LTBP2: variants seen among roughly 807,000 people sequenced by gnomAD.
LTBP2 encodes latent-transforming growth factor beta-binding protein 2.
In LTBP2, 103 loss-of-function variants were observed where a neutral mutation model predicts 210.6. The observed-to-expected ratio is 0.49, with a 90% CI of 0.42 to 0.58. The LOEUF (loss-of-function observed/expected upper bound fraction) is 0.58. LTBP2 is among the 20% of genes least tolerant of loss of function. LTBP2 has a pLI of 0.00. For synonymous variants in LTBP2, 1,007 were observed against 1,015.0 expected, an observed-to-expected ratio of 0.99 and a Z score of 0.15; for missense variants, 2,313 against 2,494.5, an observed-to-expected ratio of 0.93 and a Z score of 1.55.
intron 20 of LTBP2, 102 bp from the exon 21 acceptor site, chr14:74,509,961 T>A: frequency 6.2e-7 from 1 of 1,609,350 alleles, no homozygotes. Context: ...TGGGCAGGGA[T>A]GTGTTGGGTC....
intron 18 of LTBP2, among the ~76,000 whole-genome samples, chr14:74,515,380 G>C (rs572417326): frequency 6.7e-6 from 1 of 150,278 alleles, no homozygotes. Context: ...CCTCAGCCTC[G>C]CAAGTAGGTA....
chr14:74,507,074 C>T, intron 26 of LTBP2, 105 bp downstream of exon 26: 1 of 1,593,426 alleles, frequency 6.3e-7, no homozygotes, highest in South Asian at 1.1e-5. Flanking sequence ...AAGCTACAAT[C>T]AGCTGCAAAA....
At chr14:74,531,598 C>T (rs1294041363) in intron 10 of LTBP2, among the ~76,000 whole-genome samples, 5 of 152,192 alleles carry the variant, frequency 3.3e-5, no homozygotes, top group Admixed American at 6.5e-5. Context: ...GCACTGGAGT[C>T]TTGTCCAATC....
intron 1 of LTBP2, among the ~76,000 whole-genome samples, chr14:74,610,260 G>A (rs973593539): frequency 2.6e-5 from 4 of 152,232 alleles, no homozygotes; most frequent in Non-Finnish European, 4.4e-5. Flanking sequence ...AAAGCAGGGT[G>A]AAAGGAGAAA....
At chr14:74,607,239 C>A (rs1396386480) in intron 1 of LTBP2, among the ~76,000 whole-genome samples, 2 of 152,212 alleles carry the variant, frequency 1.3e-5, no homozygotes, top group African/African-American at 4.8e-5. Context: ...CTCCCCTCAA[C>A]ACACGCTAGT....
intron 3 of LTBP2, 37 bp downstream of exon 3, chr14:74,585,817 G>A: frequency 6.2e-7 from 1 of 1,613,892 alleles, no homozygotes; most frequent in Non-Finnish European, 8.5e-7. Context: ...AAGAGACTGA[G>A]CCCCAGACCC....
chr14:74,556,320 A>G (rs1361442389), intron 3 of LTBP2, among the ~76,000 whole-genome samples: 1 of 152,224 alleles, frequency 6.6e-6, no homozygotes, highest in East Asian at 1.9e-4. Flanking sequence ...TTGCTCACGT[A>G]TATGATTTTA....
intron 8 of LTBP2, among the ~76,000 whole-genome samples, chr14:74,543,285 G>A (rs1298003027): frequency 6.6e-6 from 1 of 151,060 alleles, no homozygotes; most frequent in Non-Finnish European, 1.5e-5. Context: ...GGCTGAGGCA[G>A]GAGAATGGCA....
intron 1 of LTBP2, among the ~76,000 whole-genome samples, chr14:74,607,954 C>T (rs2088550803): frequency 6.7e-6 from 1 of 150,368 alleles, no homozygotes; most frequent in Non-Finnish European, 1.5e-5. Context: ...CGCTCTGTCG[C>T]CCAGGCCGGA....
At chr14:74,601,495 C>T (rs971485231) in intron 2 of LTBP2, among the ~76,000 whole-genome samples, 2 of 152,252 alleles carry the variant, frequency 1.3e-5, no homozygotes, top group African/African-American at 4.8e-5. Context: ...CAGGCATCCA[C>T]GTTCCCTGAA....
intron 2 of LTBP2, among the ~76,000 whole-genome samples, chr14:74,588,585 T>TGTA (rs1465801530): frequency 2.0e-5 from 3 of 152,144 alleles, no homozygotes; most frequent in African/African-American, 7.2e-5. Context: ...CCCCTTGAAG[T>TGTA]GTAGTGACTG....
At position 74,611,477 on chromosome 14, in the gene LTBP2, TG is replaced by T. The variant is rs1335992106; in HGVS notation, c.467del (p.Pro156GlnfsTer124). ...GTPQRSGAAP[P>X]TPPRGRLTGR... Reference sequence around the variant, plus strand: ...CCGTGAGCCGCCCTCGCGGCGGGGTTGGGGGCGCAGCCCCAGACCGCTGTGG... The same window carrying T: ...CCGTGAGCCGCCCTCGCGGCGGGGTTGGGGCGCAGCCCCAGACCGCTGTGG... On this transcript the variant is annotated frameshift_variant, in exon 1 of 36. Coordinates refer to ENST00000261978, the MANE Select transcript of LTBP2 (RefSeq NM_000428.3). LOFTEE classifies it high-confidence loss of function. The T allele has an allele frequency of 6.7e-7, 1 of 1,497,958 alleles. No homozygotes were observed. 92.8% of individuals were successfully genotyped at this position (1,497,958 alleles called of 1,614,324 possible).
intron 3 of LTBP2, among the ~76,000 whole-genome samples, chr14:74,569,176 CAGGGAGGGAGGG>C (rs1210332263): frequency 6.7e-4 from 62 of 92,500 alleles, no homozygotes; most frequent in East Asian, 3.9e-3. Flanking sequence ...AGAAGGGAAG[CAGGGAGGGAGGG>C]AGGGAGGGAG....
At chr14:74,581,791 C>T (rs1472614179) in intron 3 of LTBP2, among the ~76,000 whole-genome samples, 1 of 151,998 alleles carries the variant, frequency 6.6e-6, no homozygotes, top group Non-Finnish European at 1.5e-5. Context: ...ATTTTGTGAT[C>T]GTGTGTCATG....
intron 3 of LTBP2, among the ~76,000 whole-genome samples, chr14:74,556,082 T>C (rs1020432882): frequency 1.3e-5 from 2 of 152,202 alleles, no homozygotes; most frequent in Admixed American, 6.5e-5. Flanking sequence ...AACCAAGTCC[T>C]GTACCTACTC....
Position 74,546,973 on chromosome 14 carries a change from ATGGTGCCTGTCAGCCC to A in LTBP2, c.1789+2874_1789+2889del, listed in dbSNP as rs149300338. 3.8e-3 allele frequency among the ~76,000 whole-genome samples: 576 copies of A among 152,308 alleles called. 5 individuals carry two copies. The highest frequency in any genetic ancestry group is 0.013 in the African/African-American group (551 of 41,576). On this transcript the variant is annotated intron_variant, in intron 8 of 35. Coordinates refer to ENST00000261978, the MANE Select transcript of LTBP2 (RefSeq NM_000428.3). ...GCTTCCAAGATCTGGGGATGTGGTC[ATGGTGCCTGTCAGCCC>A]TGGCTGAGGGCAACAGGCCTAGAAT...
At chr14:74,564,111 T>A (rs866839727) in intron 3 of LTBP2, among the ~76,000 whole-genome samples, 12 of 6,642 alleles carry the variant, frequency 1.8e-3, no homozygotes, top group East Asian at 5.7e-3. Flanking sequence ...ATATATATAT[T>A]TATATATATA....
At chr14:74,598,802 TTAAAA>T (rs1004443140) in intron 2 of LTBP2, among the ~76,000 whole-genome samples, 4 of 152,144 alleles carry the variant, frequency 2.6e-5, no homozygotes, top group Non-Finnish European at 5.9e-5. Context: ...TGATCTAGCA[TTAAAA>T]TACCAGCTAA....
rs768541799 is a variant in LTBP2, at chr14:74,510,095, G to A, written c.3147C>T (p.Cys1049=). The change falls in exon 20 of 36, where the codon TGC becomes TGT. Residue 1049 remains cysteine (C), a synonymous_variant. Transcript: ENST00000261978. ...GYEVTSDEKG[C]QDVDECASRA... is the part of the protein sequence containing the mutation. ...GGCGCTTCAGCATCTCTGTACCTTG[G>A]CAGCCCTTCTCATCTGAGGTGACCT... 6.2e-7 allele frequency: 1 copy of A among 1,614,076 alleles called. No individual in the cohort carries two copies. Among genetic ancestry groups the A allele is most frequent in the South Asian group, 1.1e-5 (1 of 91,078 alleles).
Sources: allele counts gnomAD v4.1 joint callset (sites outside exome capture counted in the v4.1 genomes callset), GRCh38; gene constraint gnomAD v4.1.1; transcripts MANE v1.5; gene names NCBI Gene and HGNC (gene_info 2026-07-23, HGNC 2026-07-21).